AP2A1: variants seen among roughly 807,000 people sequenced by gnomAD.
The protein encoded by AP2A1 is adaptor related protein complex 2 subunit alpha 1.
In AP2A1, 21 loss-of-function variants were observed where a neutral mutation model predicts 107.3. That is an observed-to-expected ratio of 0.20 (90% CI 0.14 to 0.28). The LOEUF (loss-of-function observed/expected upper bound fraction) is 0.28, where lower values mean the gene tolerates loss of function less well. AP2A1 is among the 10% of genes least tolerant of loss of function. AP2A1 has a pLI of 1.00. For synonymous variants in AP2A1, 602 were observed against 564.8 expected (o/e 1.07, Z -0.93); for missense variants, 873 against 1,307.7 (o/e 0.67, Z 5.13).
chr19:49,791,742 C>A, intron 4 of AP2A1, 193 bp from the exon 5 acceptor site: 1 of 606,768 alleles, frequency 1.6e-6, no homozygotes, highest in Non-Finnish European at 2.9e-6. Flanking sequence ...GAGATGCAAT[C>A]ATTTTGCAGA....
At chr19:49,786,792 G>A (rs1012444836) in intron 4 of AP2A1, among the ~76,000 whole-genome samples, 10 of 152,174 alleles carry the variant, frequency 6.6e-5, no homozygotes, top group African/African-American at 2.4e-4. Flanking sequence ...GGGAAGAACC[G>A]GGCACTTTGA....
intron 1 of AP2A1, among the ~76,000 whole-genome samples, chr19:49,776,921 A>G (rs1415757335): frequency 1.3e-5 from 2 of 152,156 alleles, no homozygotes; most frequent in African/African-American, 4.8e-5. Context: ...ATAGATGTGG[A>G]CCATTTAAAG....
At chr19:49,780,434 A>G (rs2084662415) in intron 1 of AP2A1, among the ~76,000 whole-genome samples, 1 of 152,172 alleles carries the variant, frequency 6.6e-6, no homozygotes, top group African/African-American at 2.4e-5. Context: ...CCTTGAGGCA[A>G]GAGGATGTGC....
At chr19:49,803,654 A>G (rs2073321938) in intron 18 of AP2A1, 1 of 470,832 alleles carries the variant, frequency 2.1e-6, no homozygotes. Context: ...GTGTCCTGCC[A>G]TCGTCCTCCA....
intron 1 of AP2A1, among the ~76,000 whole-genome samples, chr19:49,773,935 C>A (rs535941224): frequency 3.3e-5 from 5 of 152,116 alleles, no homozygotes; most frequent in Non-Finnish European, 7.4e-5. Context: ...ACAGGAGAAC[C>A]GGCCAGAGAG....
intron 4 of AP2A1, among the ~76,000 whole-genome samples, chr19:49,790,596 C>T (rs2073129996): frequency 6.6e-6 from 1 of 152,186 alleles, no homozygotes; most frequent in Non-Finnish European, 1.5e-5. Flanking sequence ...ATGGGGGTCT[C>T]ACCATGTTGC....
rs1568588908 is a variant in AP2A1 at position 49,803,199 on chromosome 19, G to C, written c.2254+10G>C. The stretch of plus-strand genomic sequence containing the variant: ...TTCCGACAGAACCTGGGTGTGTCCC[G>C]GGGGACTGTGGGAATGGGTCGGAGG... On this transcript the variant is annotated intron_variant, in intron 17 of 22. Coordinates refer to ENST00000354293, the MANE Select transcript of AP2A1 (RefSeq NM_130787.3). 2 of 1,613,858 alleles carry C rather than the reference G, an allele frequency of 1.2e-6. No homozygotes were observed. Among genetic ancestry groups the C allele is most frequent in the Non-Finnish European group, 1.7e-6 (2 of 1,179,850 alleles).
intron 15 of AP2A1, chr19:49,802,487 C>T (rs745980577): frequency 1.3e-6 from 2 of 1,589,658 alleles, no homozygotes; most frequent in Admixed American, 3.4e-5. Context: ...AATTGGCTGC[C>T]TGCCACGCCT....
At chr19:49,772,475 GC>G (rs1334996432) in intron 1 of AP2A1, among the ~76,000 whole-genome samples, 1 of 147,698 alleles carries the variant, frequency 6.8e-6, no homozygotes, top group Non-Finnish European at 1.5e-5. Context: ...TCAGTGCCTG[GC>G]CCCCTTCTCT....
rs760112123 is a variant in AP2A1, at chr19:49,799,382, C to T, written c.1021C>T (p.Arg341Trp). The T allele has an allele frequency of 3.1e-6, 5 of 1,612,374 alleles. No individual in the cohort carries two copies. Among genetic ancestry groups the T allele is most frequent in the East Asian group, 2.2e-5 (1 of 44,846 alleles). ...CNQLGQFLQH[R>W]ETNLRYLALE... ...CCAGCTGGGCCAGTTCCTGCAGCAC[C>T]GGGAGACCAACCTGCGCTACCTGGC... The change falls in exon 9 of 23, where the codon CGG (arginine) becomes TGG (tryptophan). Residue 341 changes from arginine (R) to tryptophan (W), a missense_variant. Transcript: ENST00000354293.
At position 49,785,434 on chromosome 19, in the gene AP2A1, C is replaced by T. The variant is rs895062021; in HGVS notation, c.473+2710C>T. On this transcript the variant is annotated intron_variant, in intron 4 of 22. Transcript: ENST00000354293. The surrounding 1 kb of genome is among the most constrained non-coding windows in gnomAD (Gnocchi z 4.1). ...GGTGAGTGAATGATGGCAGACCTTTCAGCAATGTGACAAAGGCCATAGGAA... is the reference window on the plus strand; with the variant it reads ...GGTGAGTGAATGATGGCAGACCTTTTAGCAATGTGACAAAGGCCATAGGAA... Among the ~76,000 whole-genome samples the T allele has an allele frequency of 5.9e-5, 9 of 152,040 alleles. No homozygotes were observed. Among genetic ancestry groups the T allele is most frequent in the African/African-American group, 2.2e-4 (9 of 41,394 alleles).
rs751383847 is a variant in AP2A1 at position 49,801,969 on chromosome 19, C to T, written c.1954-12C>T. ...CGCCGCCTGTCCTCACCGTGACCTG[C>T]GCTTCCTACAGTCGACGCCCTCGCC... On this transcript the variant is annotated splice_polypyrimidine_tract_variant and intron_variant, in intron 14 of 22. Transcript: ENST00000354293. The T allele has an allele frequency of 1.4e-4, 212 of 1,484,156 alleles. No individual in the cohort carries two copies. Among genetic ancestry groups the T allele is most frequent in the Non-Finnish European group, 1.8e-4 (205 of 1,121,876 alleles). 91.9% of individuals were successfully genotyped at this position (1,484,156 alleles called of 1,614,324 possible). A position where few individuals can be genotyped will look rare whatever the true frequency, so the allele number is the denominator to read the frequency against.
chr19:49,796,388 G>A (rs2073214031), intron 7 of AP2A1: 1 of 152,354 alleles, frequency 6.6e-6, no homozygotes, highest in Non-Finnish European at 1.5e-5. Context: ...CTCTGCCACT[G>A]AGCTCCCCCG....
intron 4 of AP2A1, among the ~76,000 whole-genome samples, chr19:49,787,337 T>G (rs1363599846): frequency 4.7e-5 from 5 of 106,548 alleles, no homozygotes; most frequent in Admixed American, 1.0e-4. Context: ...TTTTTTTGTT[T>G]GTTTTTTTTG....
chr19:49,783,244 T>C (rs2084699012), intron 4 of AP2A1, among the ~76,000 whole-genome samples: 1 of 152,072 alleles, frequency 6.6e-6, no homozygotes, highest in Non-Finnish European at 1.5e-5. Flanking sequence ...ATCGCTGCAT[T>C]TGGGGAGGCT....
chr19:49,794,867 T>C (rs2073192193), intron 6 of AP2A1, among the ~76,000 whole-genome samples: 1 of 151,978 alleles, frequency 6.6e-6, no homozygotes, highest in African/African-American at 2.4e-5. Flanking sequence ...TTCACCATGT[T>C]GGTCAGGCTT....
intron 21 of AP2A1, 64 bp from the exon 22 acceptor site, chr19:49,806,055 G>C (rs1354883896): frequency 6.2e-7 from 1 of 1,602,722 alleles, no homozygotes; most frequent in African/African-American, 1.3e-5. Flanking sequence ...TTTGGGATCT[G>C]GGATGCCACT....
At chr19:49,792,949 C>T in intron 5 of AP2A1, 42 bp from the exon 6 acceptor site, 1 of 1,528,490 alleles carries the variant, frequency 6.5e-7, no homozygotes, top group Non-Finnish European at 8.9e-7. Flanking sequence ...TCAGGTACCA[C>T]CTCCCCCAGG....
At chr19:49,792,914 C>T in intron 5 of AP2A1, 77 bp from the exon 6 acceptor site, 1 of 1,277,486 alleles carries the variant, frequency 7.8e-7, no homozygotes, top group Non-Finnish European at 1.1e-6. Flanking sequence ...CATCCCGACC[C>T]TGTCCCGCTC....
Sources: allele counts gnomAD v4.1 joint callset (sites outside exome capture counted in the v4.1 genomes callset), GRCh38; gene constraint gnomAD v4.1.1; non-coding constraint Gnocchi (gnomAD v3.1); transcripts MANE v1.5; gene names NCBI Gene and HGNC (gene_info 2026-07-23, HGNC 2026-07-21).